GNA14: variants seen among roughly 807,000 people sequenced by gnomAD.
The protein encoded by GNA14 is guanine nucleotide-binding protein subunit alpha-14.
Under a neutral mutation model 42.0 loss-of-function variants are expected in GNA14, and 50 were observed. The observed-to-expected ratio is 1.19, with a 90% CI of 0.95 to 1.51. GNA14 has a LOEUF of 1.51. Ranked by LOEUF, GNA14 falls within the 40% of genes most tolerant of loss-of-function variation. The probability of loss-of-function intolerance (pLI) is 0.00; values close to 1 mark genes in which losing one functional copy is unlikely to be tolerated. For synonymous variants in GNA14, 173 were observed against 163.1 expected (o/e 1.06, Z -0.46); for missense variants, 473 against 446.2 (o/e 1.06, Z -0.54).
intron 2 of GNA14, among the ~76,000 whole-genome samples, chr9:77,511,045 T>C: frequency 7.1e-6 from 1 of 140,598 alleles, no homozygotes; most frequent in East Asian, 2.1e-4. Flanking sequence ...ACCATGCATT[T>C]TCCCATTCCA....
intron 1 of GNA14, among the ~76,000 whole-genome samples, chr9:77,616,061 T>A (rs1345542357): frequency 6.6e-6 from 1 of 152,186 alleles, no homozygotes; most frequent in Admixed American, 6.5e-5. Context: ...GGATGAGGAA[T>A]GCCCAATCTA....
chr9:77,445,119 T>C (rs1293475483), intron 2 of GNA14, among the ~76,000 whole-genome samples: 1 of 152,202 alleles, frequency 6.6e-6, no homozygotes, highest in Non-Finnish European at 1.5e-5. Context: ...GGTGGCCTGA[T>C]GGCGGGGAAG....
chr9:77,584,118 G>A (rs1180696045), intron 1 of GNA14, among the ~76,000 whole-genome samples: 2 of 152,174 alleles, frequency 1.3e-5, no homozygotes, highest in Non-Finnish European at 2.9e-5. Context: ...GTAGACAGCA[G>A]TGGACTCACT....
At chr9:77,461,773 C>T (rs1023644362) in intron 2 of GNA14, among the ~76,000 whole-genome samples, 1 of 152,146 alleles carries the variant, frequency 6.6e-6, no homozygotes, top group African/African-American at 2.4e-5. Context: ...AGTATCCCAG[C>T]AAACCGTCTT....
chr9:77,476,210 T>C (rs1316554354), intron 2 of GNA14, among the ~76,000 whole-genome samples: 1 of 152,190 alleles, frequency 6.6e-6, no homozygotes, highest in Non-Finnish European at 1.5e-5. Flanking sequence ...GGGGAAATGA[T>C]TCAGATTTTA....
intron 1 of GNA14, among the ~76,000 whole-genome samples, chr9:77,611,809 G>A (rs1184578656): frequency 6.6e-6 from 1 of 152,124 alleles, no homozygotes; most frequent in Non-Finnish European, 1.5e-5. Context: ...AGTTAAAAAT[G>A]GAAGAGGCTA....
intron 1 of GNA14, among the ~76,000 whole-genome samples, chr9:77,563,290 T>G (rs1822912972): frequency 6.6e-6 from 1 of 152,150 alleles, no homozygotes; most frequent in African/African-American, 2.4e-5. Context: ...ACTGAATCTT[T>G]TGCCTTAGGA....
chr9:77,574,950 C>G (rs1823106754), intron 1 of GNA14, among the ~76,000 whole-genome samples: 1 of 152,192 alleles, frequency 6.6e-6, no homozygotes, highest in African/African-American at 2.4e-5. Context: ...TGCCTCACAC[C>G]CAACTTTCTG....
intron 1 of GNA14, among the ~76,000 whole-genome samples, chr9:77,549,909 T>C (rs964954638): frequency 6.6e-6 from 1 of 152,072 alleles, no homozygotes; most frequent in African/African-American, 2.4e-5. Flanking sequence ...ACCCAAATGA[T>C]CCCAAACCCA....
At chr9:77,489,756 CG>C in intron 2 of GNA14, among the ~76,000 whole-genome samples, 1 of 151,766 alleles carries the variant, frequency 6.6e-6, no homozygotes, top group Non-Finnish European at 1.5e-5. Context: ...CCGGTGGGCT[CG>C]TGGTCTCGCT....
chr9:77,612,691 G>A lies in GNA14; in HGVS notation c.124+34979C>T, dbSNP rs1239170073. Among the ~76,000 whole-genome samples, 3 of 151,844 alleles carry A rather than the reference G, an allele frequency of 2.0e-5. No homozygotes were observed. The East Asian group carries it at 5.8e-4, about 29-fold the overall frequency. On this transcript the variant is annotated intron_variant, in intron 1 of 6. Transcript: ENST00000341700. ...AAAAAAAAAAAAGATGACAAGTATT[G>A]ATGAGGATGTGGAGAAAAGGGAAAT...
At chr9:77,537,598 T>C (rs1225696404) in intron 1 of GNA14, among the ~76,000 whole-genome samples, 2 of 152,212 alleles carry the variant, frequency 1.3e-5, no homozygotes, top group Admixed American at 6.5e-5. Context: ...GATTAATACC[T>C]AGTAGTAGAT....
At chr9:77,606,402 ATTAG>A (rs1354977390) in intron 1 of GNA14, among the ~76,000 whole-genome samples, 1 of 152,206 alleles carries the variant, frequency 6.6e-6, no homozygotes, top group African/African-American at 2.4e-5. Context: ...TATTTTTGGA[ATTAG>A]TTAATGAATA....
chr9:77,547,477 A>C (rs1837734148), intron 1 of GNA14, among the ~76,000 whole-genome samples: 1 of 152,238 alleles, frequency 6.6e-6, no homozygotes, highest in African/African-American at 2.4e-5. Flanking sequence ...CGTAATAACG[A>C]AAGTTATGCC....
In GNA14 at chr9:77,425,564, G is replaced by T; in HGVS notation, c.875C>A (p.Thr292Lys). Residue 292 changes from threonine to lysine, a missense_variant and splice_region_variant, in exon 6 of 7, where the codon ACA becomes AAA. Physicochemically the swap from Thr to Lys is moderately conservative, Grantham distance 78 (BLOSUM62 -1). Transcript: ENST00000341700. ...CTGTCCACAAGATAGACACTTACCT[G>T]TGTATTCTGGGAAATAGCTAATTAG... is the stretch of plus-strand genomic sequence containing the variant. ...SHLISYFPEY[T>K]GPKQDVRAAR... 6.3e-7 allele frequency: 1 copy of T among 1,599,566 alleles called. No individual in the cohort carries two copies. The highest frequency in any genetic ancestry group is 8.5e-7 in the Non-Finnish European group (1 of 1,170,678).
At chr9:77,568,550 G>C (rs1366395198) in intron 1 of GNA14, among the ~76,000 whole-genome samples, 1 of 151,908 alleles carries the variant, frequency 6.6e-6, no homozygotes, top group Non-Finnish European at 1.5e-5. Context: ...AAGTTACCCA[G>C]GTAAAAAAGT....
At chr9:77,616,282 C>T (rs774543829) in intron 1 of GNA14, among the ~76,000 whole-genome samples, 1 of 152,172 alleles carries the variant, frequency 6.6e-6, no homozygotes, top group South Asian at 2.1e-4. Flanking sequence ...ATTGCTTAGG[C>T]GTGACCCTAC....
intron 1 of GNA14, among the ~76,000 whole-genome samples, chr9:77,626,278 A>G: frequency 6.6e-6 from 1 of 152,202 alleles, no homozygotes; most frequent in Non-Finnish European, 1.5e-5. Context: ...TTAGACTCCC[A>G]CACAATAATA....
rs190061365 is a variant in GNA14 at position 77,506,459 on chromosome 9, A to G, written c.309+22610T>C. Among the ~76,000 whole-genome samples the G allele has an allele frequency of 2.0e-5, 3 of 152,268 alleles. No individual in the cohort carries two copies. The East Asian group carries it at 5.8e-4, about 29-fold the overall frequency. On this transcript the variant is annotated intron_variant, in intron 2 of 6. Transcript: ENST00000341700. The stretch of plus-strand genomic sequence containing the variant: ...TTTGGGAGACCGAGGTGGGCAGATC[A>G]TGAGGTCAAGAGATCGAGGTCATTC...
Sources: gnomAD v4.1 joint callset for allele counts (sites outside exome capture counted in the v4.1 genomes callset) on GRCh38, gnomAD v4.1.1 for gene constraint, MANE v1.5 for transcripts, NCBI Gene and HGNC (gene_info 2026-07-23, HGNC 2026-07-21) for gene names.